Variants in ABHD2 observed in about 807,000 individuals in gnomAD.
ABHD2 encodes the protein monoacylglycerol lipase ABHD2.
In ABHD2, 20 loss-of-function variants were observed where a neutral mutation model predicts 48.1. The ratio of observed to expected loss-of-function variants is 0.42; its 90% confidence interval spans 0.29 to 0.60. The LOEUF is 0.60. Ranked by LOEUF, ABHD2 falls within the 20% of genes least tolerant of loss-of-function variation. The pLI is 0.24. For missense variants in ABHD2, 405 were observed against 550.9 expected (o/e 0.74, Z 2.65); for synonymous variants, 209 against 214.2 (o/e 0.98, Z 0.21).
At chr15:89,085,983 T>C (rs747663338), upstream of ABHD2, among the ~76,000 whole-genome samples, 2 of 152,066 alleles carry the variant, frequency 1.3e-5, no homozygotes, top group Non-Finnish European at 2.9e-5. This position sits in a 1 kb window ranked among gnomAD's most constrained non-coding sequence, Gnocchi z 4.2. Context: ...CAGAACCAAA[T>C]GTGTACATAG....
At position 89,132,025 on chromosome 15, in the gene ABHD2, T is replaced by C. The variant is rs114029262; in HGVS notation, c.194+15504T>C. ...GACAGATGAGGCATCCTGTTGGACT[T>C]TTTAAACAGGAGTTGAAAAACATGA... On this transcript the variant is annotated intron_variant, in intron 3 of 10. Coordinates refer to ENST00000352732, the MANE Select transcript of ABHD2 (RefSeq NM_152924.5). Among the ~76,000 whole-genome samples, 699 of 152,274 alleles carry C rather than the reference T, an allele frequency of 4.6e-3. 6 individuals are homozygous for C. The highest frequency in any genetic ancestry group is 0.016 in the African/African-American group (667 of 41,544).
intron 3 of ABHD2, chr15:89,135,628 CT>C: frequency 6.5e-7 from 1 of 1,550,000 alleles, no homozygotes; most frequent in Non-Finnish European, 8.7e-7. Context: ...CTTTTTCTTG[CT>C]TTTTTCAGCC....
Position 89,201,227 on chromosome 15 carries a change from T to C in ABHD2, c.*5804T>C. The C allele has an allele frequency of 7.0e-7, 1 of 1,426,376 alleles. No individual in the cohort carries two copies. Among genetic ancestry groups the C allele is most frequent in the South Asian group, 1.2e-5 (1 of 85,250 alleles). The allele number at this position is 1,426,376 out of a possible 1,614,324, so 88.4% of individuals were successfully genotyped here. The stretch of plus-strand genomic sequence containing the variant: ...TACCTTTCTGAGCCTTAAACCTTCA[T>C]CTCTCAGGTGTTGATTTGCTTCTGA... On this transcript the variant is annotated 3_prime_UTR_variant, in exon 11 of 11. Coordinates refer to ENST00000352732, the MANE Select transcript of ABHD2 (RefSeq NM_152924.5).
rs551037159 is a variant in ABHD2 at position 89,106,645 on chromosome 15, T to A, written c.-106-7080T>A. On this transcript the variant is annotated intron_variant, in intron 1 of 10. Transcript: ENST00000352732. The surrounding 1 kb of genome is among the most constrained non-coding windows in gnomAD (Gnocchi z 4.2). Reference sequence around the variant, plus strand: ...TTTCGTCCCTGCAGAATGGTTTTTTTCCCCCTATGATGGCTCTGACTAATT... The same window carrying A: ...TTTCGTCCCTGCAGAATGGTTTTTTACCCCCTATGATGGCTCTGACTAATT... Among the ~76,000 whole-genome samples, 1 of 152,276 alleles carries A rather than the reference T, an allele frequency of 6.6e-6. No homozygotes were observed. The highest frequency in any genetic ancestry group is 2.1e-4 in the South Asian group (1 of 4,834).
rs16942802 is a variant in ABHD2 at position 89,177,715 on chromosome 15, T to A, written c.722+1720T>A. Among the ~76,000 whole-genome samples, 79,754 of 151,756 alleles carry A rather than the reference T, an allele frequency of 0.53. 22,067 individuals are homozygous for A. The highest frequency in any genetic ancestry group is 0.82 in the East Asian group (4,226 of 5,166). ...TGTGCCTTTATCTTGGTGGGACTAG[T>A]AATATCCAACTCCCAGCTCATAGCC... On this transcript the variant is annotated intron_variant, in intron 6 of 10. Coordinates refer to ENST00000352732, the MANE Select transcript of ABHD2 (RefSeq NM_152924.5). The surrounding 1 kb of genome is among the most constrained non-coding windows in gnomAD (Gnocchi z 5.6).
chr15:89,105,157 T>C (rs1373297954), intron 1 of ABHD2, among the ~76,000 whole-genome samples: 2 of 152,236 alleles, frequency 1.3e-5, no homozygotes, highest in Admixed American at 6.5e-5. Context: ...CGTTCTCTCA[T>C]AGCCAGTACT....
the ABHD2 span, among the ~76,000 whole-genome samples, chr15:89,058,112 G>T: frequency 2.0e-5 from 3 of 152,240 alleles, no homozygotes; most frequent in South Asian, 6.2e-4. Context: ...CCATCCTTCC[G>T]CCTTGAGGTA....
chr15:89,061,871 G>C, the ABHD2 span, among the ~76,000 whole-genome samples: 1 of 152,060 alleles, frequency 6.6e-6, no homozygotes, highest in Non-Finnish European at 1.5e-5. Flanking sequence ...ACGGTGCCTG[G>C]CCCAAAAAAG....
At chr15:89,117,048 TAG>T (rs2049971808) in intron 3 of ABHD2, among the ~76,000 whole-genome samples, 1 of 152,130 alleles carries the variant, frequency 6.6e-6, no homozygotes, top group South Asian at 2.1e-4. Flanking sequence ...TTTTTTTAGA[TAG>T]AGTCTTGCTC....
intron 1 of ABHD2, chr15:89,090,202 A>G (rs1901539046): frequency 6.6e-6 from 1 of 152,222 alleles, no homozygotes; most frequent in South Asian, 2.1e-4. Context: ...TTTGAATCCC[A>G]GCCCTGCCTC....
At chr15:89,138,212 G>C (rs2050345281) in intron 3 of ABHD2, among the ~76,000 whole-genome samples, 1 of 152,182 alleles carries the variant, frequency 6.6e-6, no homozygotes. Context: ...TACCTTTCCT[G>C]TGTGCACACA....
rs2051009639 is a variant in ABHD2, at chr15:89,176,142, G to T, written c.722+147G>T. On this transcript the variant is annotated intron_variant, in intron 6 of 10. Coordinates refer to ENST00000352732, the MANE Select transcript of ABHD2 (RefSeq NM_152924.5). The surrounding 1 kb of genome is among the most constrained non-coding windows in gnomAD (Gnocchi z 4.5). ...CTGAGTCTTGGACTCACCTTGTTTTGTCTGCATATCATACATTGGAGATGC... is the reference window on the plus strand; with the variant it reads ...CTGAGTCTTGGACTCACCTTGTTTTTTCTGCATATCATACATTGGAGATGC... 4 of 859,898 alleles carry T rather than the reference G, an allele frequency of 4.7e-6. No individual in the cohort carries two copies. The highest frequency in any genetic ancestry group is 5.2e-6 in the Non-Finnish European group (3 of 581,022). 53.3% of individuals were successfully genotyped at this position (859,898 alleles called of 1,614,324 possible). A position where few individuals can be genotyped will look rare whatever the true frequency, so the allele number is the denominator to read the frequency against.
At chr15:89,180,248 G>A (rs2051086035) in intron 6 of ABHD2, among the ~76,000 whole-genome samples, 1 of 152,124 alleles carries the variant, frequency 6.6e-6, no homozygotes, top group South Asian at 2.1e-4. Context: ...TGCCCTTAGT[G>A]CCTTGGGGCT....
the ABHD2 span, among the ~76,000 whole-genome samples, chr15:89,051,838 C>A: frequency 9.2e-5 from 14 of 152,084 alleles, no homozygotes; most frequent in African/African-American, 3.4e-4. Flanking sequence ...TCAGGTGTGT[C>A]TTTATTAACA....
At position 89,176,763 on chromosome 15, in the gene ABHD2, G is replaced by A. The variant is rs776785498; in HGVS notation, c.722+768G>A. ...TTCTGTACTCTTCATGGTGTCTTTCGTTTTACCAATGAGTATAACCAGTTA... is the reference window on the plus strand; with the variant it reads ...TTCTGTACTCTTCATGGTGTCTTTCATTTTACCAATGAGTATAACCAGTTA... On this transcript the variant is annotated intron_variant, in intron 6 of 10. Transcript: ENST00000352732. This position sits in a 1 kb window ranked among gnomAD's most constrained non-coding sequence, Gnocchi z 4.5. 2.0e-5 allele frequency among the ~76,000 whole-genome samples: 3 copies of A among 151,948 alleles called. No individual in the cohort carries two copies. Among genetic ancestry groups the A allele is most frequent in the Non-Finnish European group, 4.4e-5 (3 of 68,000 alleles).
chr15:89,090,512 T>G (rs1303328778), intron 1 of ABHD2: 3 of 140,294 alleles, frequency 2.1e-5, no homozygotes, highest in Non-Finnish European at 4.6e-5. Context: ...ATTTAACATA[T>G]TCCAGATTTC....
At chr15:89,193,131 C>T (rs1300298131) in intron 9 of ABHD2, 104 bp from the exon 10 acceptor site, 1 of 1,074,420 alleles carries the variant, frequency 9.3e-7, no homozygotes, top group Non-Finnish European at 1.4e-6. Flanking sequence ...TGACCCTCTT[C>T]CCTTTGCTTC....
upstream of ABHD2, among the ~76,000 whole-genome samples, chr15:89,083,327 A>G (rs1901310036): frequency 6.6e-6 from 1 of 152,370 alleles, no homozygotes; most frequent in South Asian, 2.1e-4. The surrounding 1 kb of genome is among the most constrained non-coding windows in gnomAD (Gnocchi z 5.1). Flanking sequence ...AATTAATAGT[A>G]TGAAAAACTC....
chr15:89,157,589 A>G (rs140284741), intron 5 of ABHD2, among the ~76,000 whole-genome samples: 37 of 152,308 alleles, frequency 2.4e-4, no homozygotes, highest in Non-Finnish European at 4.7e-4. Context: ...CAAGCCTGTA[A>G]TCCCAGCACT....
Sources: gnomAD v4.1 joint callset for allele counts (sites outside exome capture counted in the v4.1 genomes callset) on GRCh38, gnomAD v4.1.1 for gene constraint, Gnocchi (gnomAD v3.1) non-coding constraint, MANE v1.5 for transcripts, NCBI Gene and HGNC (gene_info 2026-07-23, HGNC 2026-07-21) for gene names.